The following TOR1AIP1 variants were observed in gnomAD, a reference collection of about 807,000 sequenced individuals.
The protein encoded by TOR1AIP1 is torsin-1A-interacting protein 1.
A neutral mutation model predicts 63.3 loss-of-function variants in TOR1AIP1; 54 were observed. The observed-to-expected ratio is 0.85, with a 90% confidence interval of 0.69 to 1.07. TOR1AIP1 has a LOEUF of 1.07. TOR1AIP1 is among the 50% of genes least tolerant of loss of function. TOR1AIP1 has a pLI of 0.00. For missense variants in TOR1AIP1, 736 were observed against 715.0 expected, an observed-to-expected ratio of 1.03 and a Z score of -0.33; for synonymous variants, 294 against 273.5, an observed-to-expected ratio of 1.07 and a Z score of -0.74.
chr1:179,913,897 T>C, intron 8 of TOR1AIP1, 101 bp from the exon 9 acceptor site: 1 of 1,159,886 alleles, frequency 8.6e-7, no homozygotes, highest in Non-Finnish European at 1.2e-6. Flanking sequence ...TCTGTCTTCT[T>C]TTTTTCCTGG....
intron 2 of TOR1AIP1, among the ~76,000 whole-genome samples, chr1:179,888,862 T>G (rs1337399877): frequency 6.6e-6 from 1 of 152,212 alleles, no homozygotes; most frequent in Non-Finnish European, 1.5e-5. Context: ...AATTTGCATT[T>G]CTTCAACACA....
chr1:179,901,175 C>T (rs889717448), intron 4 of TOR1AIP1, 127 bp from the exon 5 acceptor site: 4 of 498,918 alleles, frequency 8.0e-6, no homozygotes, highest in Admixed American at 7.5e-5. Flanking sequence ...GATAAACAAA[C>T]AGTAGTTCTA....
intron 6 of TOR1AIP1, 42 bp from the exon 7 acceptor site, chr1:179,907,781 T>C (rs1648696310): frequency 5.3e-6 from 8 of 1,500,680 alleles, no homozygotes; most frequent in African/African-American, 2.8e-5. Flanking sequence ...TTTGTTGTTA[T>C]TTTCAAGTAT....
intron 6 of TOR1AIP1, among the ~76,000 whole-genome samples, chr1:179,904,250 C>A (rs558363024): frequency 8.5e-5 from 13 of 152,314 alleles, no homozygotes; most frequent in African/African-American, 3.1e-4. Context: ...AAAACTACTA[C>A]TTCCTGTGAT....
At position 179,884,707 on chromosome 1, in the gene TOR1AIP1, C is replaced by T; in HGVS notation, c.491C>T (p.Ser164Phe). The change falls in exon 2 of 10, where the codon TCC (serine) becomes TTC (phenylalanine). Residue 164 changes from serine (S) to phenylalanine (F), a missense_variant. By Grantham distance (155) the Ser-to-Phe change is radical (BLOSUM62 -2). Transcript: ENST00000606911. ...SHSSEEDEAS[S>F]QTDLSQTISK... ...TGTTTTTTAGAGGATGAAGCATCTT[C>T]CCAAACTGATTTAAGCCAAACGATC... 6.2e-7 allele frequency: 1 copy of T among 1,610,810 alleles called. No individual in the cohort carries two copies.
chr1:179,884,787 T>C lies in TOR1AIP1; in HGVS notation c.553+18T>C. Reference sequence around the variant, plus strand: ...GGCTCCAGGTAAGAATAGTTAACTTTTTGTTTTTCTCCTTACCTACCAACT... The same window carrying C: ...GGCTCCAGGTAAGAATAGTTAACTTCTTGTTTTTCTCCTTACCTACCAACT... On this transcript the variant is annotated intron_variant, in intron 2 of 9. Coordinates refer to ENST00000606911, the MANE Select transcript of TOR1AIP1 (RefSeq NM_015602.4). The C allele has an allele frequency of 1.3e-6, 2 of 1,579,112 alleles. No individual in the cohort carries two copies. Among genetic ancestry groups the C allele is most frequent in the Middle Eastern group, 1.7e-4 (1 of 5,930 alleles).
intron 8 of TOR1AIP1, 46 bp from the exon 9 acceptor site, chr1:179,913,952 T>C: frequency 6.5e-7 from 1 of 1,527,798 alleles, no homozygotes; most frequent in East Asian, 2.3e-5. Flanking sequence ...ATACTCAAAT[T>C]ATGAAGCATA....
chr1:179,885,702 A>T (rs1006422823), intron 2 of TOR1AIP1, among the ~76,000 whole-genome samples: 3 of 152,168 alleles, frequency 2.0e-5, no homozygotes, highest in African/African-American at 7.2e-5. Context: ...GTCTGGTTCA[A>T]GTTGAGTTTC....
chr1:179,882,313 A>G lies in TOR1AIP1; in HGVS notation c.-190A>G. ...GCCTCTCTCACAGCCCTCAAGACAC[A>G]CCATGGGCCCAGAGGCAGGTTTGCT... On this transcript the variant is annotated 5_prime_UTR_variant, in exon 1 of 10. Transcript: ENST00000606911. The G allele has an allele frequency of 2.0e-6, 1 of 508,476 alleles. No homozygotes were observed. The highest frequency in any genetic ancestry group is 3.3e-6 in the Non-Finnish European group (1 of 304,118). The allele number at this position is 508,476 out of a possible 1,614,324, so 31.5% of individuals were successfully genotyped here.
At position 179,919,194 on chromosome 1, in the gene TOR1AIP1, G is replaced by A. The variant is rs372652973; in HGVS notation, c.*955G>A. On this transcript the variant is annotated 3_prime_UTR_variant, in exon 10 of 10. Transcript: ENST00000606911. The stretch of plus-strand genomic sequence containing the variant: ...CAGGAGAATTGCTTGAACCCGGGAG[G>A]CGGAGGTTGCAGTAAGCCGAGACCA... The A allele has an allele frequency of 6.6e-6, 1 of 152,016 alleles. No homozygotes were observed. Among genetic ancestry groups the A allele is most frequent in the Non-Finnish European group, 1.5e-5 (1 of 68,038 alleles). 9.4% of individuals were successfully genotyped at this position (152,016 alleles called of 1,614,324 possible). A position where few individuals can be genotyped will look rare whatever the true frequency, so the allele number is the denominator to read the frequency against.
At chr1:179,891,957 A>G (rs1434371501) in intron 3 of TOR1AIP1, among the ~76,000 whole-genome samples, 1 of 152,162 alleles carries the variant, frequency 6.6e-6, no homozygotes, top group Non-Finnish European at 1.5e-5. Flanking sequence ...GTTTTAATTC[A>G]TTTCAGTGTC....
intron 6 of TOR1AIP1, 32 bp downstream of exon 6, chr1:179,904,054 G>A (rs1277452416): frequency 1.3e-6 from 2 of 1,516,072 alleles, no homozygotes; most frequent in East Asian, 2.3e-5. Flanking sequence ...GTGTCTTCCT[G>A]TGAGCTTGGT....
At chr1:179,905,689 ACACC>A (rs1169772140) in intron 6 of TOR1AIP1, among the ~76,000 whole-genome samples, 2 of 152,184 alleles carry the variant, frequency 1.3e-5, no homozygotes, top group African/African-American at 4.8e-5. Context: ...ACGGTGGCTC[ACACC>A]TGTAATCCCA....
rs750078708 is a variant in TOR1AIP1 at position 179,882,993 on chromosome 1, G to A, written c.475+16G>A. 1.9e-6 allele frequency: 3 copies of A among 1,598,066 alleles called. No individual in the cohort carries two copies. The highest frequency in any genetic ancestry group is 2.7e-5 in the African/African-American group (2 of 74,430). Reference sequence around the variant, plus strand: ...TCCTCTGAAGGTGAGGACCGCGGAGGTAACAGTCCCAGCCGCGAGCCAGGG... The same window carrying A: ...TCCTCTGAAGGTGAGGACCGCGGAGATAACAGTCCCAGCCGCGAGCCAGGG... On this transcript the variant is annotated intron_variant, in intron 1 of 9. Transcript: ENST00000606911.
At position 179,882,851 on chromosome 1, in the gene TOR1AIP1, C is replaced by T. The variant is rs2148468818; in HGVS notation, c.349C>T (p.Gln117Ter). The T allele has an allele frequency of 6.2e-7, 1 of 1,614,218 alleles. No individual in the cohort carries two copies. Among genetic ancestry groups the T allele is most frequent in the East Asian group, 2.2e-5 (1 of 44,874 alleles). Residue 117 changes from glutamine (Q) to a stop codon, truncating the protein, a stop_gained, in exon 1 of 10, where the codon CAG becomes TAG. Transcript: ENST00000606911. LOFTEE classifies it high-confidence loss of function. ...TAGGCAGCGGAGGCAGCCGCGACCC[C>T]AGGAAACCGAGGAAATGAAGACGCG... is the stretch of plus-strand genomic sequence containing the variant. ...RSRQRRQPRP[Q>*]ETEEMKTRRT...
At chr1:179,904,765 C>T (rs1648577607) in intron 6 of TOR1AIP1, 1 of 152,170 alleles carries the variant, frequency 6.6e-6, no homozygotes, top group Non-Finnish European at 1.5e-5. Context: ...GCTAAGACTA[C>T]AGGCACGTGC....
chr1:179,887,525 T>C (rs185721542), intron 2 of TOR1AIP1, among the ~76,000 whole-genome samples: 1 of 152,364 alleles, frequency 6.6e-6, no homozygotes, highest in Admixed American at 6.5e-5. Flanking sequence ...GGAATATAGT[T>C]TGAAATCTTC....
Position 179,918,480 on chromosome 1 carries a change from A to C in TOR1AIP1, c.*241A>C, listed in dbSNP as rs1379102379. 4 of 427,668 alleles carry C rather than the reference A, an allele frequency of 9.4e-6. No homozygotes were observed. Among genetic ancestry groups the C allele is most frequent in the Non-Finnish European group, 1.7e-5 (4 of 242,136 alleles). 26.5% of individuals were successfully genotyped at this position (427,668 alleles called of 1,614,324 possible). A position where few individuals can be genotyped will look rare whatever the true frequency, so the allele number is the denominator to read the frequency against. ...TATCTTAGGAGTGCAGATTATATGCAGTTCCTTAGAGAATCTGTTTTGATT... is the reference window on the plus strand; with the variant it reads ...TATCTTAGGAGTGCAGATTATATGCCGTTCCTTAGAGAATCTGTTTTGATT... On this transcript the variant is annotated 3_prime_UTR_variant, in exon 10 of 10. Coordinates refer to ENST00000606911, the MANE Select transcript of TOR1AIP1 (RefSeq NM_015602.4).
chr1:179,894,250 C>T (rs949411664), intron 3 of TOR1AIP1, among the ~76,000 whole-genome samples: 2 of 63,052 alleles, frequency 3.2e-5, no homozygotes, highest in Non-Finnish European at 6.6e-5. Flanking sequence ...GACTCTGTCT[C>T]AAAAAAAAAA....
Sources: gnomAD v4.1 joint callset for allele counts (sites outside exome capture counted in the v4.1 genomes callset) on GRCh38, gnomAD v4.1.1 for gene constraint, MANE v1.5 for transcripts, NCBI Gene and HGNC (gene_info 2026-07-23, HGNC 2026-07-21) for gene names.